Variants in FIRRM observed in about 807,000 individuals in gnomAD.
FIRRM encodes the protein FIGNL1 interacting regulator of recombination and mitosis.
the FIRRM span, among the ~76,000 whole-genome samples, chr1:169,796,464 G>A: frequency 1.3e-5 from 2 of 152,196 alleles, no homozygotes; most frequent in Non-Finnish European, 2.9e-5. Context: ...TTCTTCATCT[G>A]AGTAAATGGT....
At chr1:169,811,740 A>C in the FIRRM span, among the ~76,000 whole-genome samples, 1 of 148,948 alleles carries the variant, frequency 6.7e-6, no homozygotes, top group Non-Finnish European at 1.5e-5. Flanking sequence ...TAGATAATAG[A>C]CAGATTATCT....
chr1:169,811,584 G>T, the FIRRM span, among the ~76,000 whole-genome samples: 3 of 152,186 alleles, frequency 2.0e-5, no homozygotes, highest in African/African-American at 7.2e-5. Context: ...GAGCCCAGGA[G>T]ATTGAGGCTG....
At chr1:169,813,395 A>C in the FIRRM span, among the ~76,000 whole-genome samples, 1 of 152,226 alleles carries the variant, frequency 6.6e-6, no homozygotes, top group East Asian at 1.9e-4. Flanking sequence ...GGCACTACCC[A>C]CTGTTTTATC....
chr1:169,810,923 A>G, the FIRRM span, among the ~76,000 whole-genome samples: 1 of 128,714 alleles, frequency 7.8e-6, no homozygotes, highest in Admixed American at 9.9e-5. Context: ...GCAGTGGCGC[A>G]ATCTCGGCTC....
chr1:169,794,968 G>A, the FIRRM span: 1 of 676,338 alleles, frequency 1.5e-6, no homozygotes, highest in Non-Finnish European at 2.5e-6. Flanking sequence ...AGGGACCCGG[G>A]CTCACCAAGA....
the FIRRM span, chr1:169,842,544 G>A: frequency 6.2e-7 from 1 of 1,611,766 alleles, no homozygotes. Context: ...AAACAGGTAA[G>A]GAAAGCAACT....
chr1:169,791,284 ATAAAT>A, the FIRRM span, among the ~76,000 whole-genome samples: 1 of 152,240 alleles, frequency 6.6e-6, no homozygotes, highest in Non-Finnish European at 1.5e-5. Flanking sequence ...TTATTTGATT[ATAAAT>A]TACTTTCTTC....
chr1:169,806,373 T>C, the FIRRM span, among the ~76,000 whole-genome samples: 1 of 152,264 alleles, frequency 6.6e-6, no homozygotes, highest in East Asian at 1.9e-4. Flanking sequence ...TTTCTTCTGC[T>C]ACTGTTGTTT....
At chr1:169,828,522 A>G in the FIRRM span, among the ~76,000 whole-genome samples, 401 of 150,526 alleles carry the variant, frequency 2.7e-3, 4 homozygotes, top group Non-Finnish European at 4.2e-3. Context: ...TGTCTTCTTT[A>G]CGTACTTACA....
the FIRRM span, chr1:169,803,167 A>C: frequency 6.2e-7 from 1 of 1,612,476 alleles, no homozygotes; most frequent in South Asian, 1.1e-5. Flanking sequence ...CCTTATTCAC[A>C]GACAATGGTG....
chr1:169,847,951 C>T, the FIRRM span: 2 of 523,088 alleles, frequency 3.8e-6, no homozygotes, highest in Non-Finnish European at 6.7e-6. Context: ...ATTATAAAAT[C>T]TATTTATAAC....
chr1:169,810,053 T>C, the FIRRM span, among the ~76,000 whole-genome samples: 1 of 152,158 alleles, frequency 6.6e-6, no homozygotes, highest in Non-Finnish European at 1.5e-5. Context: ...AAATGGCCCC[T>C]TGTTGCTGCA....
the FIRRM span, chr1:169,821,687 T>C: frequency 4.4e-6 from 7 of 1,609,092 alleles, no homozygotes; most frequent in Non-Finnish European, 5.9e-6. Context: ...AGGATAATGC[T>C]GACTACAGAT....
chr1:169,853,753 TCCC>T, the FIRRM span: 8 of 1,613,892 alleles, frequency 5.0e-6, no homozygotes, highest in Non-Finnish European at 6.8e-6. Flanking sequence ...CCCTTCTTCT[TCCC>T]AGCCTTCAGC....
the FIRRM span, chr1:169,793,125 C>A: frequency 2.3e-5 from 37 of 1,614,058 alleles, no homozygotes; most frequent in Non-Finnish European, 3.1e-5. Context: ...AGATCCAAGA[C>A]TTTTTTCCCA....
chr1:169,817,889 G>T, the FIRRM span, among the ~76,000 whole-genome samples: 3 of 151,814 alleles, frequency 2.0e-5, no homozygotes, highest in Admixed American at 2.0e-4. Context: ...ATTTTTTCCA[G>T]TGTTCAATTT....
At chr1:169,827,562 C>T in the FIRRM span, 1 of 826,644 alleles carries the variant, frequency 1.2e-6, no homozygotes, top group South Asian at 1.6e-5. Context: ...CGCTTGAACC[C>T]AGACGGTGGA....
the FIRRM span, chr1:169,803,402 G>C: frequency 8.3e-7 from 1 of 1,210,554 alleles, no homozygotes; most frequent in Non-Finnish European, 1.1e-6. Context: ...TTACATTTTA[G>C]TCTATATTAT....
chr1:169,821,498 T>A, the FIRRM span, among the ~76,000 whole-genome samples: 2 of 152,192 alleles, frequency 1.3e-5, no homozygotes, highest in Non-Finnish European at 2.9e-5. Flanking sequence ...TGTCATTTGT[T>A]ATTTGTATCG....
Sources: gnomAD v4.1 joint callset for allele counts (sites outside exome capture counted in the v4.1 genomes callset) on GRCh38, gnomAD v4.1.1 for gene constraint, MANE v1.5 for transcripts, NCBI Gene and HGNC (gene_info 2026-07-23, HGNC 2026-07-21) for gene names.